CACNB4: variants seen among roughly 807,000 people sequenced by gnomAD.
The protein encoded by CACNB4 is calcium voltage-gated channel auxiliary subunit beta 4, also known as voltage-dependent L-type calcium channel subunit beta-4.
In CACNB4, 32 loss-of-function variants were observed where a neutral mutation model predicts 71.2. The ratio of observed to expected loss-of-function variants is 0.45; its 90% CI spans 0.34 to 0.60. The LOEUF (loss-of-function observed/expected upper bound fraction) is 0.60, where lower values mean the gene tolerates loss of function less well. Ranked by LOEUF, CACNB4 falls within the 20% of genes least tolerant of loss-of-function variation. The pLI, the probability that CACNB4 is intolerant of heterozygous loss-of-function variation, is 0.01. For synonymous variants in CACNB4, 231 were observed against 236.9 expected, an observed-to-expected ratio of 0.97 and a Z score of 0.23; for missense variants, 464 against 647.9, an observed-to-expected ratio of 0.72 and a Z score of 3.08.
chr2:151,863,181 T>C (rs1219190730), intron 9 of CACNB4, among the ~76,000 whole-genome samples: 2 of 151,784 alleles, frequency 1.3e-5, no homozygotes, highest in Non-Finnish European at 2.9e-5. Context: ...TCCTCCCACC[T>C]CAGCCTCCCA....
intron 2 of CACNB4, among the ~76,000 whole-genome samples, chr2:151,949,035 C>T (rs1379202318): frequency 6.6e-6 from 1 of 151,628 alleles, no homozygotes; most frequent in East Asian, 1.9e-4. Flanking sequence ...GGTTTTTGGT[C>T]TTTTTCTTTG....
intron 2 of CACNB4, among the ~76,000 whole-genome samples, chr2:152,036,458 C>T (rs1684597671): frequency 6.6e-6 from 1 of 152,210 alleles, no homozygotes; most frequent in South Asian, 2.1e-4. Flanking sequence ...CGCCACCATG[C>T]CTGGCTAATT....
chr2:152,026,487 C>T (rs531159613), intron 2 of CACNB4, among the ~76,000 whole-genome samples: 2 of 151,874 alleles, frequency 1.3e-5, no homozygotes, highest in African/African-American at 2.4e-5. Flanking sequence ...TGGGCTCAAG[C>T]GATTCTCATG....
intron 12 of CACNB4, among the ~76,000 whole-genome samples, chr2:151,847,985 T>C (rs2099838040): frequency 1.3e-5 from 2 of 152,162 alleles, no homozygotes; most frequent in South Asian, 4.1e-4. Flanking sequence ...GCAAAAAATA[T>C]ATAACTTTGA....
chr2:151,851,843 G>A (rs1341210748), intron 12 of CACNB4: 5 of 152,102 alleles, frequency 3.3e-5, no homozygotes, highest in Non-Finnish European at 7.3e-5. Flanking sequence ...CATAGTTCCC[G>A]GCTTTTGATA....
At chr2:152,035,649 C>CTATATATA (rs1422018845) in intron 2 of CACNB4, among the ~76,000 whole-genome samples, 16 of 116,248 alleles carry the variant, frequency 1.4e-4, no homozygotes, top group Non-Finnish European at 2.6e-4. Context: ...CTCTCTCTCT[C>CTATATATA]TCTATATATA....
At chr2:151,934,293 G>C (rs1578862026) in intron 2 of CACNB4, among the ~76,000 whole-genome samples, 1 of 152,312 alleles carries the variant, frequency 6.6e-6, no homozygotes, top group Non-Finnish European at 1.5e-5. Flanking sequence ...CGCTTGGTCA[G>C]ATTTAGAGGC....
intron 2 of CACNB4, among the ~76,000 whole-genome samples, chr2:151,895,512 C>A (rs2099851836): frequency 6.6e-6 from 1 of 151,774 alleles, no homozygotes; most frequent in African/African-American, 2.4e-5. Context: ...ATCTATTATG[C>A]ATCAATATAC....
intron 2 of CACNB4, among the ~76,000 whole-genome samples, chr2:152,024,712 G>A (rs1201931137): frequency 1.3e-5 from 2 of 152,214 alleles, no homozygotes; most frequent in African/African-American, 2.4e-5. Flanking sequence ...TACACCCTTA[G>A]GGACTTGCCA....
chr2:151,905,325 A>G (rs1342693252), intron 2 of CACNB4, among the ~76,000 whole-genome samples: 1 of 152,204 alleles, frequency 6.6e-6, no homozygotes, highest in East Asian at 1.9e-4. Context: ...AGTTTCTCAC[A>G]TCGTACAGAT....
chr2:152,062,714 A>C (rs570668831), intron 2 of CACNB4, among the ~76,000 whole-genome samples: 1 of 152,288 alleles, frequency 6.6e-6, no homozygotes, highest in African/African-American at 2.4e-5. Flanking sequence ...GGCAAGACAG[A>C]GCCTTTGCCA....
At chr2:151,856,432 T>C (rs1358043611) in intron 10 of CACNB4, among the ~76,000 whole-genome samples, 3 of 152,090 alleles carry the variant, frequency 2.0e-5, no homozygotes, top group South Asian at 2.1e-4. Context: ...GCCTCCCACA[T>C]AAATGGGATT....
At chr2:151,906,582 G>T (rs2099854874) in intron 2 of CACNB4, among the ~76,000 whole-genome samples, 1 of 152,214 alleles carries the variant, frequency 6.6e-6, no homozygotes, top group Non-Finnish European at 1.5e-5. Context: ...AACTGATGGA[G>T]AATAAAGGTG....
intron 2 of CACNB4, among the ~76,000 whole-genome samples, chr2:151,919,685 T>G (rs2099858428): frequency 6.6e-6 from 1 of 152,152 alleles, no homozygotes; most frequent in Admixed American, 6.5e-5. Context: ...TGTTTACCTC[T>G]CCTTTTTTGC....
chr2:151,874,812 G>T, intron 5 of CACNB4: 1 of 394,276 alleles, frequency 2.5e-6, no homozygotes, highest in South Asian at 1.3e-4. Context: ...GACTCAGGAT[G>T]ATTTGGTTTC....
chr2:151,955,151 A>G (rs1458216869), intron 2 of CACNB4, among the ~76,000 whole-genome samples: 2 of 152,068 alleles, frequency 1.3e-5, no homozygotes, highest in Non-Finnish European at 2.9e-5. Context: ...CACCGTGCCC[A>G]GCCAACAAGT....
intron 2 of CACNB4, among the ~76,000 whole-genome samples, chr2:152,007,467 A>G (rs906002878): frequency 2.0e-5 from 3 of 152,186 alleles, no homozygotes; most frequent in Admixed American, 6.5e-5. Flanking sequence ...GAACCATAAA[A>G]CATTCTTCCT....
At chr2:151,851,322 A>G (rs1257191649) in intron 12 of CACNB4, 1 of 152,226 alleles carries the variant, frequency 6.6e-6, no homozygotes, top group Non-Finnish European at 1.5e-5. Flanking sequence ...TGTTTAATAA[A>G]GTAAACAGTG....
rs80301704 is a variant in CACNB4, at chr2:152,067,201, C to A, written c.147+31129G>T. 9.9e-3 allele frequency among the ~76,000 whole-genome samples: 1,506 copies of A among 152,066 alleles called. 9 individuals carry two copies. The highest frequency in any genetic ancestry group is 0.015 in the Non-Finnish European group (1,024 of 67,980). On this transcript the variant is annotated intron_variant, in intron 2 of 13. Transcript: ENST00000539935. Reference sequence around the variant, plus strand: ...GTGCAGGGGAGTAAATGCCTGTGGGCCACTCTTGGCCAATGGGGACAGAAG... The same window carrying A: ...GTGCAGGGGAGTAAATGCCTGTGGGACACTCTTGGCCAATGGGGACAGAAG...
Sources: gnomAD v4.1 joint callset for allele counts (sites outside exome capture counted in the v4.1 genomes callset) on GRCh38, gnomAD v4.1.1 for gene constraint, MANE v1.5 for transcripts, NCBI Gene and HGNC (gene_info 2026-07-23, HGNC 2026-07-21) for gene names.